The following TRPM3 variants were observed in gnomAD, a reference collection of about 807,000 sequenced individuals.
TRPM3 encodes long transient receptor potential channel 3.
Under a neutral mutation model 181.2 loss-of-function variants are expected in TRPM3, and 77 were observed. The observed-to-expected ratio is 0.42, with a 90% CI of 0.35 to 0.51. TRPM3 has a LOEUF of 0.51. Among genes scored for constraint, TRPM3 ranks in the 20% least tolerant of loss-of-function variants. The pLI is 0.01. For synonymous variants in TRPM3, 745 were observed against 796.4 expected, an observed-to-expected ratio of 0.94 and a Z score of 1.09; for missense variants, 1,759 against 2,196.7, an observed-to-expected ratio of 0.80 and a Z score of 3.98.
intron 1 of TRPM3, among the ~76,000 whole-genome samples, chr9:71,080,844 T>C (rs552849): frequency 0.59 from 89,877 of 152,122 alleles, 28,019 homozygotes; most frequent in African/African-American, 0.8. Flanking sequence ...TTGTTTTGCA[T>C]CAGGCCCGGT....
chr9:71,066,843 T>G (rs2061992962), intron 1 of TRPM3, among the ~76,000 whole-genome samples: 1 of 152,250 alleles, frequency 6.6e-6, no homozygotes, highest in Non-Finnish European at 1.5e-5. Context: ...TCCCTCTTTT[T>G]ATCTAGTCTC....
At chr9:70,969,059 A>G (rs1420004577) in intron 1 of TRPM3, among the ~76,000 whole-genome samples, 1 of 152,210 alleles carries the variant, frequency 6.6e-6, no homozygotes, top group Non-Finnish European at 1.5e-5. Context: ...AGAAACTATC[A>G]TCGGACTGAT....
At chr9:70,763,388 G>A (rs917957957) in intron 7 of TRPM3, among the ~76,000 whole-genome samples, 6 of 152,082 alleles carry the variant, frequency 3.9e-5, no homozygotes, top group African/African-American at 7.2e-5. Flanking sequence ...GTGCATGCCT[G>A]TAGTCCCAGC....
At chr9:71,290,530 GGA>G (rs1450879096) in intron 1 of TRPM3, among the ~76,000 whole-genome samples, 5 of 149,828 alleles carry the variant, frequency 3.3e-5, no homozygotes, top group Non-Finnish European at 7.4e-5. Context: ...TTTAGAAATA[GGA>G]GACTCTCTAA....
intron 1 of TRPM3, among the ~76,000 whole-genome samples, chr9:71,154,385 T>C (rs995262889): frequency 7.2e-5 from 11 of 152,136 alleles, no homozygotes; most frequent in African/African-American, 2.7e-4. Flanking sequence ...GTCTTTTTTC[T>C]GGGCTTCAGT....
At chr9:71,023,811 C>T (rs907496690) in intron 1 of TRPM3, among the ~76,000 whole-genome samples, 1 of 151,854 alleles carries the variant, frequency 6.6e-6, no homozygotes, top group Non-Finnish European at 1.5e-5. Context: ...TTAGTGGCCA[C>T]TAGGCCTTAG....
intron 1 of TRPM3, among the ~76,000 whole-genome samples, chr9:71,316,361 G>A (rs1218658999): frequency 6.6e-6 from 1 of 152,148 alleles, no homozygotes; most frequent in African/African-American, 2.4e-5. Flanking sequence ...AATGTGGTAG[G>A]CAGAATAATG....
chr9:71,381,173 G>C (rs940642115), intron 1 of TRPM3, among the ~76,000 whole-genome samples: 1 of 152,250 alleles, frequency 6.6e-6, no homozygotes. Context: ...TAATATGGTA[G>C]AGCCTAGAAC....
At chr9:71,315,023 A>G (rs1236712989) in intron 1 of TRPM3, among the ~76,000 whole-genome samples, 1 of 152,170 alleles carries the variant, frequency 6.6e-6, no homozygotes, top group Non-Finnish European at 1.5e-5. Context: ...ACTAAGTCTC[A>G]GTGTTGTCTC....
intron 1 of TRPM3, among the ~76,000 whole-genome samples, chr9:71,318,131 G>T (rs1471187374): frequency 2.0e-5 from 3 of 152,086 alleles, no homozygotes; most frequent in Admixed American, 2.0e-4. Flanking sequence ...ATAAAGCTTT[G>T]TAAGTAATAT....
rs552948155 is a variant in TRPM3, at chr9:71,000,671, A to C, written c.177+120507T>G. On this transcript the variant is annotated intron_variant, in intron 1 of 25. Transcript: ENST00000677713. ...TAATCATCTGCCAACATAAAGGAGA[A>C]GGATCTTACCCCTTACTTCATTAAC... Among the ~76,000 whole-genome samples, 73 of 152,368 alleles carry C rather than the reference A, an allele frequency of 4.8e-4. No individual in the cohort carries two copies. In the South Asian group the frequency reaches 0.015, roughly 31 times the overall value.
intron 25 of TRPM3, among the ~76,000 whole-genome samples, chr9:70,547,562 C>T (rs534470554): frequency 1.4e-5 from 2 of 144,700 alleles, no homozygotes; most frequent in South Asian, 4.4e-4. Context: ...AACCCAACAA[C>T]AATGACAACA....
chr9:70,621,187 A>G (rs1027251478), intron 15 of TRPM3, 57 bp downstream of exon 15: 1 of 1,204,450 alleles, frequency 8.3e-7, no homozygotes, highest in African/African-American at 1.6e-5. Context: ...TAGCATATAT[A>G]TAATGGGTAA....
chr9:71,368,691 T>C (rs1235656694), intron 1 of TRPM3, among the ~76,000 whole-genome samples: 1 of 152,234 alleles, frequency 6.6e-6, no homozygotes, highest in Non-Finnish European at 1.5e-5. Context: ...GCTTTAACAC[T>C]TAAGTTTAGG....
chr9:70,587,382 G>T (rs945024261), intron 22 of TRPM3, among the ~76,000 whole-genome samples: 2 of 152,202 alleles, frequency 1.3e-5, no homozygotes, highest in Non-Finnish European at 2.9e-5. Flanking sequence ...TATACAGCCA[G>T]CAGCACATGG....
intron 1 of TRPM3, among the ~76,000 whole-genome samples, chr9:71,118,769 C>G (rs1225224627): frequency 6.6e-6 from 1 of 151,284 alleles, no homozygotes; most frequent in Non-Finnish European, 1.5e-5. Context: ...ATCAAATTAA[C>G]ATAGTGGTGG....
intron 1 of TRPM3, among the ~76,000 whole-genome samples, chr9:71,266,578 A>G (rs2083408442): frequency 6.6e-6 from 1 of 152,104 alleles, no homozygotes; most frequent in South Asian, 2.1e-4. Flanking sequence ...AAATAATTTC[A>G]GTGTGTTTTG....
intron 3 of TRPM3, among the ~76,000 whole-genome samples, chr9:70,854,457 AT>A (rs2095331990): frequency 6.6e-6 from 1 of 152,310 alleles, no homozygotes; most frequent in Admixed American, 6.5e-5. Flanking sequence ...ATAAATGCAA[AT>A]TGAATGAAGG....
At chr9:71,308,237 A>G (rs192059480) in intron 1 of TRPM3, among the ~76,000 whole-genome samples, 13 of 152,254 alleles carry the variant, frequency 8.5e-5, no homozygotes, top group Admixed American at 8.5e-4. Flanking sequence ...ATTTATATTT[A>G]TATTCAATAC....
Sources: allele counts gnomAD v4.1 joint callset (sites outside exome capture counted in the v4.1 genomes callset), GRCh38; gene constraint gnomAD v4.1.1; transcripts MANE v1.5; gene names NCBI Gene and HGNC (gene_info 2026-07-23, HGNC 2026-07-21).